The following LARP1 variants were observed in gnomAD, a reference collection of about 807,000 sequenced individuals.
The protein encoded by LARP1 is La ribonucleoprotein 1, translational regulator.
A neutral mutation model predicts 122.7 loss-of-function variants in LARP1; 36 were observed. That is an observed-to-expected ratio of 0.29 (90% CI 0.22 to 0.39). LARP1 has a LOEUF of 0.39. Ranked by LOEUF, LARP1 falls within the 10% of genes least tolerant of loss-of-function variation. The probability of loss-of-function intolerance (pLI) is 1.00; values close to 1 mark genes in which losing one functional copy is unlikely to be tolerated. For missense variants in LARP1, 1,040 were observed against 1,403.6 expected, an observed-to-expected ratio of 0.74 and a Z score of 4.14; for synonymous variants, 539 against 528.7, an observed-to-expected ratio of 1.02 and a Z score of -0.27.
At chr5:154,690,595 C>T (rs2113200969) in intron 1 of LARP1, among the ~76,000 whole-genome samples, 1 of 152,288 alleles carries the variant, frequency 6.6e-6, no homozygotes, top group East Asian at 1.9e-4. Flanking sequence ...GGCCCCAGAG[C>T]GAGACCCGCC....
intron 7 of LARP1, 122 bp downstream of exon 7, chr5:154,794,384 A>G (rs1757582838): frequency 5.6e-6 from 5 of 886,878 alleles, no homozygotes; most frequent in Non-Finnish European, 8.5e-6. Flanking sequence ...GGCTGAAAAG[A>G]TAGCTTTTCT....
intron 8 of LARP1, among the ~76,000 whole-genome samples, chr5:154,796,501 C>T (rs1757865318): frequency 6.6e-6 from 1 of 151,924 alleles, no homozygotes; most frequent in Non-Finnish European, 1.5e-5. Context: ...TTAACATGTT[C>T]ATCTGTACTC....
chr5:154,731,844 A>C (rs1321167754), intron 1 of LARP1, among the ~76,000 whole-genome samples: 2 of 151,984 alleles, frequency 1.3e-5, no homozygotes, highest in Non-Finnish European at 2.9e-5. Context: ...CCTGGCCAAC[A>C]TGGTGAAACG....
intron 14 of LARP1, chr5:154,805,056 GT>G (rs1758652763): frequency 2.7e-6 from 1 of 370,562 alleles, no homozygotes; most frequent in East Asian, 7.3e-5. Context: ...CATATTATAT[GT>G]ATTACATACT....
At chr5:154,712,417 G>A (rs988508380), upstream of LARP1, among the ~76,000 whole-genome samples, 1 of 152,110 alleles carries the variant, frequency 6.6e-6, no homozygotes, top group Non-Finnish European at 1.5e-5. Flanking sequence ...CCTCTCTGTC[G>A]ACCTTCCTTG....
intron 1 of LARP1, among the ~76,000 whole-genome samples, chr5:154,696,564 C>T (rs967427502): frequency 1.3e-5 from 2 of 152,152 alleles, no homozygotes; most frequent in African/African-American, 4.8e-5. Context: ...GTAATCCTTA[C>T]AGTGATCCTA....
At chr5:154,688,776 T>C (rs995430180) in intron 1 of LARP1, among the ~76,000 whole-genome samples, 4 of 151,804 alleles carry the variant, frequency 2.6e-5, no homozygotes, top group African/African-American at 9.7e-5. Context: ...CAGTGAGCCA[T>C]GAATGCATCA....
rs989081533 is a variant in LARP1 at position 154,811,370 on chromosome 5, T to G, written c.2953+14T>G. Reference sequence around the variant, plus strand: ...ACTATGAAGCTGGTAAGAGCCAGAGTTGGATCTGAGTGAGGCCTGGTCATG... The same window carrying G: ...ACTATGAAGCTGGTAAGAGCCAGAGGTGGATCTGAGTGAGGCCTGGTCATG... On this transcript the variant is annotated intron_variant, in intron 17 of 18. Coordinates refer to ENST00000518297, the MANE Select transcript of LARP1 (RefSeq NM_033551.3). 1 of 1,612,954 alleles carries G rather than the reference T, an allele frequency of 6.2e-7. No homozygotes were observed. Among genetic ancestry groups the G allele is most frequent in the East Asian group, 2.2e-5 (1 of 44,864 alleles).
chr5:154,811,828 T>TAA (rs1759301729), intron 18 of LARP1, among the ~76,000 whole-genome samples, 188 bp downstream of exon 18: 1 of 152,114 alleles, frequency 6.6e-6, no homozygotes, highest in African/African-American at 2.4e-5. Context: ...TAGTTGGAGA[T>TAA]AGTTGTATGG....
chr5:154,757,258 G>C (rs1049770582), intron 1 of LARP1: 2 of 151,886 alleles, frequency 1.3e-5, no homozygotes, highest in African/African-American at 4.8e-5. Flanking sequence ...CCGCGTTTTG[G>C]TCCTTTTGGA....
At chr5:154,811,773 T>C (rs1759297475) in intron 18 of LARP1, 133 bp downstream of exon 18, 1 of 1,097,652 alleles carries the variant, frequency 9.1e-7, no homozygotes, top group African/African-American at 1.6e-5. Context: ...AATTTGGGCT[T>C]TGCTTTTTCA....
rs745692171 is a variant in LARP1, at chr5:154,811,327, A to G, written c.2924A>G (p.Gln975Arg). Residue 975 changes from glutamine to arginine, a missense_variant, in exon 17 of 19, where the codon CAG becomes CGG. Physicochemically the swap from Gln to Arg is conservative, Grantham distance 43. This residue lies in a region of LARP1 where 129 missense variants were observed against 160.8 expected (regional missense o/e 0.80). Coordinates refer to ENST00000518297, the MANE Select transcript of LARP1 (RefSeq NM_033551.3). ...KFRLDIFKDF[Q>R]EETVKDYEAG... The stretch of plus-strand genomic sequence containing the variant: ...CGGCTGGACATATTCAAGGATTTTC[A>G]GGAGGAAACGGTGAAGGACTATGAA... 4 of 1,614,208 alleles carry G rather than the reference A, an allele frequency of 2.5e-6. No individual in the cohort carries two copies. Among genetic ancestry groups the G allele is most frequent in the Non-Finnish European group, 3.4e-6 (4 of 1,180,046 alleles).
Position 154,799,950 on chromosome 5 carries a change from C to T in LARP1, c.1624C>T (p.Pro542Ser). 2 of 1,614,200 alleles carry T rather than the reference C, an allele frequency of 1.2e-6. No individual in the cohort carries two copies. Among genetic ancestry groups the T allele is most frequent in the Non-Finnish European group, 1.7e-6 (2 of 1,180,024 alleles). ...GGAGGTCAGCAACCTAAAGACACTA[C>T]CCAAGGGCCTGTCTGCCAGCCTGCC... The part of the protein sequence containing the change: ...TEEVSNLKTL[P>S]KGLSASLPDL... Residue 542 changes from proline (P) to serine (S), a missense_variant, in exon 10 of 19, where the codon CCC (proline) becomes TCC (serine). By Grantham distance (74) the Pro-to-Ser change is moderately conservative. Around this residue, in one of 8 missense-constraint regions of LARP1, gnomAD observed 362 missense variants for 533.1 expected, o/e 0.68. Coordinates refer to ENST00000518297, the MANE Select transcript of LARP1 (RefSeq NM_033551.3).
intron 1 of LARP1, among the ~76,000 whole-genome samples, chr5:154,783,701 G>GA (rs1051929305): frequency 2.6e-5 from 4 of 152,052 alleles, no homozygotes; most frequent in African/African-American, 9.7e-5. Flanking sequence ...AATTCAACAC[G>GA]ATCAAGATTA....
At chr5:154,733,937 G>A (rs1582235087) in intron 1 of LARP1, among the ~76,000 whole-genome samples, 2 of 151,928 alleles carry the variant, frequency 1.3e-5, no homozygotes, top group Admixed American at 6.6e-5. Flanking sequence ...AGGCGGAGGC[G>A]GGTGGATCAC....
At chr5:154,685,121 G>A (rs1046543362) in intron 1 of LARP1, among the ~76,000 whole-genome samples, 2 of 152,104 alleles carry the variant, frequency 1.3e-5, no homozygotes, top group Non-Finnish European at 2.9e-5. Context: ...ACGCGCACCT[G>A]TAATCCCAGC....
At chr5:154,698,435 A>G (rs747387560) in intron 1 of LARP1, among the ~76,000 whole-genome samples, 9 of 152,040 alleles carry the variant, frequency 5.9e-5, no homozygotes, top group Non-Finnish European at 1.2e-4. Context: ...TGTCTCTACT[A>G]AAAATGTAAA....
intron 1 of LARP1, among the ~76,000 whole-genome samples, chr5:154,762,916 T>A (rs560783022): frequency 3.3e-5 from 5 of 152,332 alleles, no homozygotes; most frequent in Non-Finnish European, 5.9e-5. Flanking sequence ...GTATGGTTTT[T>A]GCTCTGCTTT....
chr5:154,790,593 A>G, intron 2 of LARP1, 52 bp from the exon 3 acceptor site: 1 of 1,595,132 alleles, frequency 6.3e-7, no homozygotes, highest in Non-Finnish European at 8.6e-7. Flanking sequence ...CGGGGGCTGA[A>G]TAGCAAAGAC....
Sources: gnomAD v4.1 joint callset for allele counts (sites outside exome capture counted in the v4.1 genomes callset) on GRCh38, gnomAD v4.1.1 for gene constraint, gnomAD v4.1.1 regional missense constraint, MANE v1.5 for transcripts, NCBI Gene and HGNC (gene_info 2026-07-23, HGNC 2026-07-21) for gene names.